BNC2: variants seen among roughly 807,000 people sequenced by gnomAD.
BNC2 encodes zinc finger protein basonuclin-2.
BNC2 carries 20 observed loss-of-function variants against 76.3 expected under a neutral mutation model. The observed-to-expected ratio is 0.26, with a 90% CI of 0.18 to 0.38. The LOEUF is 0.38. Among genes scored for constraint, BNC2 ranks in the 10% least tolerant of loss-of-function variants. The pLI is 1.00. For missense variants in BNC2, 1,382 were observed against 1,399.8 expected (o/e 0.99, Z 0.20); for synonymous variants, 582 against 514.8 (o/e 1.13, Z -1.77).
chr9:16,738,382 C>A lies in BNC2; in HGVS notation c.107G>T (p.Gly36Val). 1 of 1,614,030 alleles carries A rather than the reference C, an allele frequency of 6.2e-7. No individual in the cohort carries two copies. The highest frequency in any genetic ancestry group is 2.2e-5 in the East Asian group (1 of 44,866). Residue 36 changes from glycine (G) to valine (V), a missense_variant, in exon 2 of 7, where the codon GGG becomes GTG. Gly to Val is a moderately radical substitution (Grantham distance 109). Coordinates refer to ENST00000380672, the MANE Select transcript of BNC2 (RefSeq NM_017637.6). ...WPAYFKVPCC[G>V]VDTSQIESEE... is the part of the protein sequence containing the mutation. ...TACCTCAATTTGAGATGTATCAACC[C>A]CACAACATGGGACCTTGAAATATGC... is the stretch of plus-strand genomic sequence containing the variant.
intron 4 of BNC2, among the ~76,000 whole-genome samples, chr9:16,568,927 T>C (rs984268853): frequency 3.3e-5 from 5 of 152,030 alleles, no homozygotes; most frequent in Admixed American, 2.6e-4. Context: ...CATGTTCCAT[T>C]TAAGTCACAA....
At chr9:16,497,635 A>C (rs1822417377) in intron 5 of BNC2, among the ~76,000 whole-genome samples, 2 of 152,218 alleles carry the variant, frequency 1.3e-5, no homozygotes, top group Non-Finnish European at 2.9e-5. Context: ...ACAAGGTATA[A>C]AAATCGCTCT....
Position 16,526,678 on chromosome 9 carries a change from C to T in BNC2, c.669+25852G>A, listed in dbSNP as rs867477486. 2.6e-5 allele frequency among the ~76,000 whole-genome samples: 4 copies of T among 151,878 alleles called. No individual in the cohort carries two copies. In the South Asian group the frequency reaches 8.3e-4, roughly 32 times the overall value. Reference sequence around the variant, plus strand: ...CACAGTATACAGTAGACAATATATGCCATAATTTATTGCCTGAACTCCCCA... The same window carrying T: ...CACAGTATACAGTAGACAATATATGTCATAATTTATTGCCTGAACTCCCCA... On this transcript the variant is annotated intron_variant, in intron 5 of 6. Coordinates refer to ENST00000380672, the MANE Select transcript of BNC2 (RefSeq NM_017637.6).
intron 3 of BNC2, among the ~76,000 whole-genome samples, chr9:16,618,025 C>T (rs769567244): frequency 1.3e-5 from 2 of 152,180 alleles, no homozygotes; most frequent in East Asian, 1.9e-4. Flanking sequence ...TAAAATGGAG[C>T]GCCACTTTAC....
intron 1 of BNC2, among the ~76,000 whole-genome samples, chr9:16,753,145 T>C (rs1344790336): frequency 2.7e-5 from 1 of 37,726 alleles, no homozygotes; most frequent in Non-Finnish European, 9.0e-5. Flanking sequence ...GCAGTTTGAA[T>C]AGTAACAATG....
At chr9:16,498,094 CAT>C (rs918338291) in intron 5 of BNC2, among the ~76,000 whole-genome samples, 3 of 142,656 alleles carry the variant, frequency 2.1e-5, no homozygotes, top group Non-Finnish European at 3.0e-5. Context: ...TATATTCCAT[CAT>C]ATATATATTC....
At chr9:16,845,518 G>A (rs12344890) in intron 1 of BNC2, among the ~76,000 whole-genome samples, 39,866 of 151,726 alleles carry the variant, frequency 0.26, 5,494 homozygotes, top group African/African-American at 0.3. Flanking sequence ...TCAGGAGATC[G>A]AGACCATCCT....
intron 1 of BNC2, among the ~76,000 whole-genome samples, chr9:16,742,995 A>C (rs1424019128): frequency 6.6e-6 from 1 of 152,174 alleles, no homozygotes; most frequent in Admixed American, 6.5e-5. Context: ...GGACCTCATG[A>C]GTGAGAAAGG....
intron 3 of BNC2, among the ~76,000 whole-genome samples, chr9:16,693,096 C>A (rs1310528502): frequency 7.3e-6 from 1 of 137,172 alleles, no homozygotes; most frequent in Non-Finnish European, 1.5e-5. Context: ...CACCACTGCA[C>A]TCCAGCCTGG....
intron 1 of BNC2, among the ~76,000 whole-genome samples, chr9:16,807,733 A>T (rs1817947084): frequency 6.6e-6 from 1 of 152,234 alleles, no homozygotes; most frequent in Non-Finnish European, 1.5e-5. Flanking sequence ...ATTGATTAAC[A>T]TAAAGCTATT....
intron 5 of BNC2, among the ~76,000 whole-genome samples, chr9:16,510,534 C>T (rs1371165216): frequency 6.6e-6 from 1 of 152,184 alleles, no homozygotes; most frequent in Non-Finnish European, 1.5e-5. Flanking sequence ...CACCAAGTCC[C>T]GACATAGCTA....
At chr9:16,864,085 T>C (rs1353705030) in intron 1 of BNC2, among the ~76,000 whole-genome samples, 3 of 152,208 alleles carry the variant, frequency 2.0e-5, no homozygotes, top group African/African-American at 7.2e-5. Context: ...CTTATTTTAT[T>C]TATGATTTGA....
chr9:16,510,363 G>A (rs748157876), intron 5 of BNC2, among the ~76,000 whole-genome samples: 5 of 152,120 alleles, frequency 3.3e-5, no homozygotes, highest in African/African-American at 4.8e-5. Context: ...CTCCTACTTC[G>A]TCATGAAAAG....
chr9:16,616,837 A>AAGGAAGGAAGTT (rs1431416345), intron 3 of BNC2, among the ~76,000 whole-genome samples: 65 of 150,028 alleles, frequency 4.3e-4, no homozygotes, highest in Admixed American at 3.5e-3. Flanking sequence ...GGAAGGAAGG[A>AAGGAAGGAAGTT]AGTTCTACTG....
intron 3 of BNC2, among the ~76,000 whole-genome samples, chr9:16,601,095 ATCT>A (rs1820232274): frequency 6.6e-6 from 1 of 152,228 alleles, no homozygotes; most frequent in Non-Finnish European, 1.5e-5. Context: ...GCACAATCTC[ATCT>A]TCTTTAGCTA....
At chr9:16,572,933 G>A (rs1445075734) in intron 4 of BNC2, among the ~76,000 whole-genome samples, 3 of 151,974 alleles carry the variant, frequency 2.0e-5, no homozygotes, top group African/African-American at 7.2e-5. Flanking sequence ...ACGTCTAATG[G>A]AAATATAATT....
At chr9:16,494,767 G>C (rs1406444828) in intron 5 of BNC2, among the ~76,000 whole-genome samples, 1 of 152,074 alleles carries the variant, frequency 6.6e-6, no homozygotes, top group Admixed American at 6.6e-5. Flanking sequence ...GTGTAGAAGA[G>C]TTTGGATTTT....
intron 3 of BNC2, among the ~76,000 whole-genome samples, chr9:16,608,173 A>G (rs1299622001): frequency 2.0e-5 from 3 of 152,156 alleles, no homozygotes; most frequent in African/African-American, 7.2e-5. Context: ...CCTTAGGGGT[A>G]CTTCCTACTT....
intron 3 of BNC2, among the ~76,000 whole-genome samples, chr9:16,647,495 T>C (rs978311658): frequency 2.0e-5 from 3 of 152,134 alleles, no homozygotes; most frequent in Non-Finnish European, 4.4e-5. Context: ...TAATGAATGG[T>C]CAATGCATAG....
Sources: allele counts gnomAD v4.1 joint callset (sites outside exome capture counted in the v4.1 genomes callset), GRCh38; gene constraint gnomAD v4.1.1; transcripts MANE v1.5; gene names NCBI Gene and HGNC (gene_info 2026-07-23, HGNC 2026-07-21).